GALNT12: variants seen among roughly 807,000 people sequenced by gnomAD.
The protein encoded by GALNT12 is polypeptide N-acetylgalactosaminyltransferase 12.
GALNT12 carries 45 observed loss-of-function variants against 55.5 expected under a neutral mutation model. The ratio of observed to expected loss-of-function variants is 0.81; its 90% CI spans 0.64 to 1.04. The LOEUF (loss-of-function observed/expected upper bound fraction) is 1.04, where lower values mean the gene tolerates loss of function less well. Ranked by LOEUF, GALNT12 falls within the 50% of genes least tolerant of loss-of-function variation. GALNT12 has a pLI of 0.00. For missense variants in GALNT12, 709 were observed against 754.8 expected (o/e 0.94, Z 0.71); for synonymous variants, 304 against 312.2 (o/e 0.97, Z 0.28).
At chr9:98,834,244 G>C (rs543746370) in intron 4 of GALNT12, among the ~76,000 whole-genome samples, 7 of 152,136 alleles carry the variant, frequency 4.6e-5, no homozygotes, top group Admixed American at 2.0e-4. Context: ...TCAGCCTCCT[G>C]AGTAGCTGGG....
intron 1 of GALNT12, among the ~76,000 whole-genome samples, chr9:98,822,113 T>G (rs760337227): frequency 2.6e-5 from 4 of 152,244 alleles, no homozygotes; most frequent in Non-Finnish European, 4.4e-5. Context: ...TCCTGTCCTC[T>G]TTGATCTGTC....
At chr9:98,846,250 C>A in intron 9 of GALNT12, 127 bp downstream of exon 9, 1 of 1,248,748 alleles carries the variant, frequency 8.0e-7, no homozygotes, top group Non-Finnish European at 1.2e-6. Flanking sequence ...TGGACAGGAG[C>A]TCTGGAAGAC....
chr9:98,820,631 G>A (rs1057262078), intron 1 of GALNT12, among the ~76,000 whole-genome samples: 1 of 152,030 alleles, frequency 6.6e-6, no homozygotes, highest in African/African-American at 2.4e-5. Context: ...GGATTGCTGG[G>A]TCAAATGGCA....
At chr9:98,832,078 C>A in intron 4 of GALNT12, 121 bp downstream of exon 4, 1 of 820,940 alleles carries the variant, frequency 1.2e-6, no homozygotes, top group Non-Finnish European at 2.1e-6. Context: ...TCCCCTCTTC[C>A]CACTTTTTTG....
chr9:98,839,992 G>C lies in GALNT12; in HGVS notation c.1213-10G>C. On this transcript the variant is annotated splice_polypyrimidine_tract_variant and intron_variant, in intron 6 of 9. Coordinates refer to ENST00000375011, the MANE Select transcript of GALNT12 (RefSeq NM_024642.5). ...ACCCATGGGGTCTCACTGTTTTGTT[G>C]TTTTCTCAGGAACCTTTTGGGGATG... The C allele has an allele frequency of 1.2e-6, 2 of 1,614,038 alleles. No homozygotes were observed. The highest frequency in any genetic ancestry group is 1.7e-6 in the Non-Finnish European group (2 of 1,179,954).
intron 3 of GALNT12, among the ~76,000 whole-genome samples, chr9:98,828,032 C>G (rs555140479): frequency 7.2e-5 from 11 of 152,314 alleles, no homozygotes; most frequent in African/African-American, 2.2e-4. Flanking sequence ...AAGTCAGGAG[C>G]TGGGCTTGCC....
intron 7 of GALNT12, among the ~76,000 whole-genome samples, chr9:98,840,793 G>A (rs1358726293): frequency 1.3e-5 from 2 of 152,170 alleles, no homozygotes; most frequent in Non-Finnish European, 2.9e-5. Flanking sequence ...CCATCCCTGA[G>A]ATTCTAGAAT....
intron 4 of GALNT12, among the ~76,000 whole-genome samples, chr9:98,832,196 A>G (rs1836015685): frequency 6.6e-6 from 1 of 152,186 alleles, no homozygotes; most frequent in African/African-American, 2.4e-5. Context: ...TATACATCAT[A>G]GAGAATTTAC....
At chr9:98,821,624 C>CAAAA (rs11467276) in intron 1 of GALNT12, among the ~76,000 whole-genome samples, 2 of 112,030 alleles carry the variant, frequency 1.8e-5, no homozygotes, top group Non-Finnish European at 3.7e-5. Flanking sequence ...GACTCCATCT[C>CAAAA]AAAAAAAAAA....
At chr9:98,829,152 T>TC (rs1835932048) in intron 3 of GALNT12, among the ~76,000 whole-genome samples, 1 of 145,700 alleles carries the variant, frequency 6.9e-6, no homozygotes, top group Non-Finnish European at 1.5e-5. Flanking sequence ...AGTAATTTTT[T>TC]TTATCTATCT....
intron 3 of GALNT12, among the ~76,000 whole-genome samples, chr9:98,827,538 T>A (rs1287541094): frequency 1.3e-5 from 2 of 152,078 alleles, no homozygotes; most frequent in Non-Finnish European, 2.9e-5. Context: ...AAGAACATTT[T>A]AAAAAATCCT....
At chr9:98,822,664 A>G (rs1454242083) in intron 1 of GALNT12, among the ~76,000 whole-genome samples, 1 of 152,122 alleles carries the variant, frequency 6.6e-6, no homozygotes, top group African/African-American at 2.4e-5. Context: ...CTAAGCCTAG[A>G]CAGTATTGGA....
chr9:98,822,709 A>ATGAGGAC (rs1282226937), intron 1 of GALNT12, among the ~76,000 whole-genome samples: 2 of 152,196 alleles, frequency 1.3e-5, no homozygotes, highest in Admixed American at 6.5e-5. Context: ...ACAGTGGTAC[A>ATGAGGAC]TGAGGACTCA....
At position 98,849,120 on chromosome 9, in the gene GALNT12, A is replaced by C; in HGVS notation, c.*28A>C. The C allele has an allele frequency of 6.2e-7, 1 of 1,613,614 alleles. No individual in the cohort carries two copies. The highest frequency in any genetic ancestry group is 8.5e-7 in the Non-Finnish European group (1 of 1,179,628). ...CCTCGTGTATCAAGGAGCCCATCGA[A>C]GGAGACTGTGGAGCCAGGACTCTGC... On this transcript the variant is annotated 3_prime_UTR_variant, in exon 10 of 10. Coordinates refer to ENST00000375011, the MANE Select transcript of GALNT12 (RefSeq NM_024642.5).
Position 98,839,354 on chromosome 9 carries a change from C to T in GALNT12, c.1213-648C>T, listed in dbSNP as rs547708285. Among the ~76,000 whole-genome samples the T allele has an allele frequency of 2.6e-5, 4 of 152,318 alleles. No individual in the cohort carries two copies. In the South Asian group the frequency reaches 8.3e-4, roughly 32 times the overall value. On this transcript the variant is annotated intron_variant, in intron 6 of 9. Coordinates refer to ENST00000375011, the MANE Select transcript of GALNT12 (RefSeq NM_024642.5). ...CTTTTAATTGTTTAACATGACAGTG[C>T]AGGTACGGTAATATTTCTGCACTCA...
chr9:98,844,337 A>T, intron 8 of GALNT12, 128 bp downstream of exon 8: 1 of 692,310 alleles, frequency 1.4e-6, no homozygotes. Flanking sequence ...GGCCAGACTC[A>T]GAGAGACCAC....
In GALNT12 at chr9:98,823,263, G is replaced by C. The variant is rs775071389; in HGVS notation, c.379G>C (p.Glu127Gln). The stretch of plus-strand genomic sequence containing the variant: ...GTTCCGCTGTATTTGCAGGTGCAAA[G>C]AGAAGAAATATGATTATGATAATTT... ...LPERWNPLCK[E>Q]KKYDYDNLPR... The change falls in exon 2 of 10, where the codon GAG becomes CAG. Residue 127 changes from glutamate (E) to glutamine (Q), a missense_variant. Physicochemically the swap from Glu to Gln is conservative, Grantham distance 29. Around this residue, in one of 5 missense-constraint regions of GALNT12, gnomAD observed 315 missense variants for 288.6 expected, o/e 1.09. Coordinates refer to ENST00000375011, the MANE Select transcript of GALNT12 (RefSeq NM_024642.5). 4 of 1,614,140 alleles carry C rather than the reference G, an allele frequency of 2.5e-6. No individual in the cohort carries two copies. In the South Asian group the frequency reaches 4.4e-5, roughly 18 times the overall value.
rs543242162 is a variant in GALNT12 at position 98,819,034 on chromosome 9, A to T, written c.372-4222A>T. Among the ~76,000 whole-genome samples, 82 of 152,322 alleles carry T rather than the reference A, an allele frequency of 5.4e-4. 1 individual carries two copies. Among genetic ancestry groups the T allele is most frequent in the African/African-American group, 1.8e-3 (73 of 41,578 alleles). On this transcript the variant is annotated intron_variant, in intron 1 of 9. Coordinates refer to ENST00000375011, the MANE Select transcript of GALNT12 (RefSeq NM_024642.5). ...GCAGGAAGTGTCAGTTGCTTGCCAC[A>T]TAGACTCCTCCATAGGGCTGCTTGA...
chr9:98,810,933 G>A (rs970152156), intron 1 of GALNT12, among the ~76,000 whole-genome samples: 3 of 152,170 alleles, frequency 2.0e-5, no homozygotes, highest in Admixed American at 6.5e-5. Context: ...AAGCATAGTA[G>A]TATAGTATGA....
Sources: gnomAD v4.1 joint callset for allele counts (sites outside exome capture counted in the v4.1 genomes callset) on GRCh38, gnomAD v4.1.1 for gene constraint, gnomAD v4.1.1 regional missense constraint, MANE v1.5 for transcripts, NCBI Gene and HGNC (gene_info 2026-07-23, HGNC 2026-07-21) for gene names.